The following TTC39A variants were observed in gnomAD, a reference collection of about 807,000 sequenced individuals.
The protein encoded by TTC39A is tetratricopeptide repeat domain 39A.
A neutral mutation model predicts 82.3 loss-of-function variants in TTC39A; 46 were observed. The observed-to-expected ratio is 0.56, with a 90% CI of 0.44 to 0.71. The LOEUF is 0.71. TTC39A is among the 30% of genes least tolerant of loss of function. The pLI, the probability that TTC39A is intolerant of heterozygous loss-of-function variation, is 0.00. For synonymous variants in TTC39A, 254 were observed against 275.2 expected (o/e 0.92, Z 0.76); for missense variants, 543 against 712.9 (o/e 0.76, Z 2.71).
intron 1 of TTC39A, among the ~76,000 whole-genome samples, chr1:51,326,946 A>C (rs1645733091): frequency 6.6e-6 from 1 of 152,206 alleles, no homozygotes. Flanking sequence ...GACCAATGCC[A>C]GGAGCTCTGG....
chr1:51,344,191 G>A (rs974401058), intron 1 of TTC39A, among the ~76,000 whole-genome samples: 1 of 152,210 alleles, frequency 6.6e-6, no homozygotes. Context: ...TTTGGGGCTT[G>A]CCAAGTTTGA....
At chr1:51,320,678 C>T (rs2148274548) in intron 2 of TTC39A, among the ~76,000 whole-genome samples, 1 of 149,378 alleles carries the variant, frequency 6.7e-6, no homozygotes, top group South Asian at 2.1e-4. Context: ...GTCTCAGACT[C>T]CTGGGCTCAA....
chr1:51,302,352 C>T lies in TTC39A; in HGVS notation c.891+5G>A. 6.2e-7 allele frequency: 1 copy of T among 1,600,026 alleles called. No individual in the cohort carries two copies. Among genetic ancestry groups the T allele is most frequent in the Non-Finnish European group, 8.5e-7 (1 of 1,173,434 alleles). ...CCAGCCCCGGCCCGGACCCCCATCA[C>T]TCACTGCATCAATGTTGCCTTTAAT... On this transcript the variant is annotated splice_donor_5th_base_variant and intron_variant, in intron 11 of 17. Coordinates refer to ENST00000680483, the MANE Select transcript of TTC39A (RefSeq NM_001297663.2).
rs1645513915 is a variant in TTC39A, at chr1:51,321,413, A to G, written c.146+308T>C. ...CTAAGTCTTTAGTGCTTTGGGGAAA[A>G]ATAAACAAAGGAGTCATGTGAGAGC... On this transcript the variant is annotated intron_variant, in intron 2 of 17. Coordinates refer to ENST00000680483, the MANE Select transcript of TTC39A (RefSeq NM_001297663.2). The surrounding 1 kb of genome is among the most constrained non-coding windows in gnomAD (Gnocchi z 4.6). 6.6e-6 allele frequency among the ~76,000 whole-genome samples: 1 copy of G among 152,186 alleles called. No individual in the cohort carries two copies. The highest frequency in any genetic ancestry group is 2.4e-5 in the African/African-American group (1 of 41,440).
chr1:51,344,399 G>A (rs534195690), intron 1 of TTC39A, among the ~76,000 whole-genome samples: 2 of 152,170 alleles, frequency 1.3e-5, no homozygotes, highest in African/African-American at 4.8e-5. Context: ...CAACTGGGGC[G>A]CACTAACTTA....
chr1:51,289,424 A>G (rs1472396050), intron 16 of TTC39A, among the ~76,000 whole-genome samples: 2 of 152,048 alleles, frequency 1.3e-5, no homozygotes, highest in Non-Finnish European at 2.9e-5. Context: ...GACTTCACCC[A>G]GGCAGGTAAA....
intron 5 of TTC39A, among the ~76,000 whole-genome samples, chr1:51,309,869 G>T (rs539666200): frequency 6.6e-6 from 1 of 152,246 alleles, no homozygotes; most frequent in South Asian, 2.1e-4. Flanking sequence ...TAACACACAG[G>T]CCAGGTGAAG....
upstream of TTC39A, chr1:51,330,590 G>C (rs958444668): frequency 7.6e-5 from 75 of 982,882 alleles, 1 homozygote; most frequent in African/African-American, 1.3e-3. The surrounding 1 kb of genome is among the most constrained non-coding windows in gnomAD (Gnocchi z 4.5). Context: ...GGCCGGGGAG[G>C]GGCGCGCCGG....
In TTC39A at chr1:51,321,902, A is replaced by G; in HGVS notation, c.42-77T>C. ...TCTCCTGGCTGGAACAGAGCCTCAC[A>G]GGGTCTACTCAGCCTCCCTGGCCAG... On this transcript the variant is annotated intron_variant, in intron 1 of 17. Coordinates refer to ENST00000680483, the MANE Select transcript of TTC39A (RefSeq NM_001297663.2). This position sits in a 1 kb window ranked among gnomAD's most constrained non-coding sequence, Gnocchi z 4.6. The G allele has an allele frequency of 6.9e-7, 1 of 1,454,850 alleles. No individual in the cohort carries two copies. 90.1% of individuals were successfully genotyped at this position (1,454,850 alleles called of 1,614,324 possible).
chr1:51,325,966 C>G (rs1414174770), intron 1 of TTC39A: 1 of 152,460 alleles, frequency 6.6e-6, no homozygotes, highest in Non-Finnish European at 1.5e-5. Flanking sequence ...GTAACCTCCC[C>G]CAGACTGGGG....
At position 51,330,144 on chromosome 1, in the gene TTC39A, A is replaced by C; in HGVS notation, c.41+293T>G. On this transcript the variant is annotated intron_variant, in intron 1 of 17. Transcript: ENST00000680483. This position sits in a 1 kb window ranked among gnomAD's most constrained non-coding sequence, Gnocchi z 4.5. ...CCACCCCACAGGAGTGAACGCCACG[A>C]GGCAGGTGGGGAAGGCTGCTCTGAA... 1 of 985,524 alleles carries C rather than the reference A, an allele frequency of 1.0e-6. No homozygotes were observed. The highest frequency in any genetic ancestry group is 1.2e-6 in the Non-Finnish European group (1 of 830,026). 61.0% of individuals were successfully genotyped at this position (985,524 alleles called of 1,614,324 possible). A position where few individuals can be genotyped will look rare whatever the true frequency, so the allele number is the denominator to read the frequency against.
chr1:51,312,974 A>G (rs762735840), intron 2 of TTC39A, 31 bp from the exon 3 acceptor site: 1 of 1,602,432 alleles, frequency 6.2e-7, no homozygotes, highest in Non-Finnish European at 8.5e-7. Context: ...TGAGAGCACC[A>G]CCTTATAGAG....
Position 51,294,325 on chromosome 1 carries a change from T to C in TTC39A, c.1266+66A>G. 6.2e-7 allele frequency: 1 copy of C among 1,605,318 alleles called. No homozygotes were observed. Among genetic ancestry groups the C allele is most frequent in the Non-Finnish European group, 8.5e-7 (1 of 1,173,742 alleles). ...CTCCTCATCCACCTCCCCCTGGCTGTGGCTCTCAGTGAATCCCCACAATCC... is the reference window on the plus strand; with the variant it reads ...CTCCTCATCCACCTCCCCCTGGCTGCGGCTCTCAGTGAATCCCCACAATCC... On this transcript the variant is annotated intron_variant, in intron 14 of 17. Coordinates refer to ENST00000680483, the MANE Select transcript of TTC39A (RefSeq NM_001297663.2). This position sits in a 1 kb window ranked among gnomAD's most constrained non-coding sequence, Gnocchi z 4.3.
intron 7 of TTC39A, 93 bp from the exon 8 acceptor site, chr1:51,305,239 A>T (rs1644826715): frequency 7.7e-7 from 1 of 1,304,648 alleles, no homozygotes; most frequent in African/African-American, 1.5e-5. Flanking sequence ...AACAGGCTTT[A>T]CCTGGAGGGG....
intron 2 of TTC39A, among the ~76,000 whole-genome samples, chr1:51,318,472 G>A (rs1345497638): frequency 6.6e-6 from 1 of 152,148 alleles, no homozygotes; most frequent in Non-Finnish European, 1.5e-5. Context: ...ATGGTGTGGA[G>A]ACTGCCACAC....
In TTC39A at chr1:51,312,862, G is replaced by A; in HGVS notation, c.228C>T (p.Asp76=). The A allele has an allele frequency of 6.2e-7, 1 of 1,613,990 alleles. No homozygotes were observed. Among genetic ancestry groups the A allele is most frequent in the East Asian group, 2.2e-5 (1 of 44,884 alleles). ...MQAMMTFDPQ[D]ILLAGNMMKE... Reference sequence around the variant, plus strand: ...TCATCATGTTGCCGGCAAGCAGGATGTCCTGAGGGTCAAAGGTCATCATGG... The same window carrying A: ...TCATCATGTTGCCGGCAAGCAGGATATCCTGAGGGTCAAAGGTCATCATGG... Residue 76 remains aspartate (D), a synonymous_variant, in exon 3 of 18, where the codon GAC becomes GAT. Coordinates refer to ENST00000680483, the MANE Select transcript of TTC39A (RefSeq NM_001297663.2).
In TTC39A at chr1:51,305,153, G is replaced by A. The variant is rs1344551405; in HGVS notation, c.589-7C>T. 1 of 1,613,246 alleles carries A rather than the reference G, an allele frequency of 6.2e-7. No individual in the cohort carries two copies. Among genetic ancestry groups the A allele is most frequent in the African/African-American group, 1.3e-5 (1 of 75,048 alleles). On this transcript the variant is annotated splice_polypyrimidine_tract_variant and splice_region_variant and intron_variant, in intron 7 of 17. Transcript: ENST00000680483. ...TAGGAAGCATGGACAGTGTCTGCAA[G>A]AAAGGAGGCAATCAAGCCTGTGAAG...
At chr1:51,317,468 G>A (rs192932063) in intron 2 of TTC39A, among the ~76,000 whole-genome samples, 189 of 152,246 alleles carry the variant, frequency 1.2e-3, no homozygotes, top group African/African-American at 4.4e-3. Context: ...GAAAGAAAGG[G>A]CCTGGTGCGC....
Position 51,312,217 on chromosome 1 carries a change from C to A in TTC39A, c.279-22G>T. On this transcript the variant is annotated intron_variant, in intron 3 of 17. Transcript: ENST00000680483. ...GTGCCTGAAGAGGAAAAAGAGGGGCCTCAGGTGAGGATTAGAGAGAGGCCA... is the reference window on the plus strand; with the variant it reads ...GTGCCTGAAGAGGAAAAAGAGGGGCATCAGGTGAGGATTAGAGAGAGGCCA... 4 of 1,589,698 alleles carry A rather than the reference C, an allele frequency of 2.5e-6. No homozygotes were observed. In the South Asian group the frequency reaches 3.4e-5, roughly 14 times the overall value.
Sources: gnomAD v4.1 joint callset for allele counts (sites outside exome capture counted in the v4.1 genomes callset) on GRCh38, gnomAD v4.1.1 for gene constraint, Gnocchi (gnomAD v3.1) non-coding constraint, MANE v1.5 for transcripts, NCBI Gene and HGNC (gene_info 2026-07-23, HGNC 2026-07-21) for gene names.